SEC24D: variants seen among roughly 807,000 people sequenced by gnomAD.
The protein encoded by SEC24D is protein transport protein Sec24D.
SEC24D carries 69 observed loss-of-function variants against 116.9 expected under a neutral mutation model. That is an observed-to-expected ratio of 0.59 (90% CI 0.49 to 0.72). SEC24D has a LOEUF of 0.72. Among genes scored for constraint, SEC24D ranks in the 30% least tolerant of loss-of-function variants. The probability of loss-of-function intolerance (pLI) is 0.00; values close to 1 mark genes in which losing one functional copy is unlikely to be tolerated. For missense variants in SEC24D, 1,131 were observed against 1,264.1 expected, an observed-to-expected ratio of 0.89 and a Z score of 1.60; for synonymous variants, 405 against 442.8, an observed-to-expected ratio of 0.91 and a Z score of 1.07.
intron 8 of SEC24D, among the ~76,000 whole-genome samples, chr4:118,793,466 CAAAAAAAAAAA>C (rs70944815): frequency 1.3e-4 from 9 of 69,292 alleles, no homozygotes; most frequent in Admixed American, 7.1e-4. Flanking sequence ...GACTCCGTCT[CAAAAAAAAAAA>C]AAAAAAAAAA....
At chr4:118,778,868 T>G (rs1226704894) in intron 8 of SEC24D, among the ~76,000 whole-genome samples, 2 of 152,200 alleles carry the variant, frequency 1.3e-5, no homozygotes, top group African/African-American at 2.4e-5. Flanking sequence ...GTAGCAACTG[T>G]GAATGGGAGT....
At chr4:118,740,585 A>G in intron 17 of SEC24D, 78 bp downstream of exon 17, 1 of 1,457,090 alleles carries the variant, frequency 6.9e-7, no homozygotes, top group Non-Finnish European at 9.5e-7. Context: ...AACACATTTG[A>G]TGGTATTTCA....
intron 8 of SEC24D, among the ~76,000 whole-genome samples, chr4:118,790,666 C>A (rs1192880536): frequency 3.3e-5 from 5 of 151,832 alleles, no homozygotes; most frequent in Admixed American, 6.6e-5. Context: ...TAGCAAACAT[C>A]TCCAAAGCAA....
chr4:118,744,278 G>T, intron 14 of SEC24D, 120 bp from the exon 15 acceptor site: 1 of 1,041,060 alleles, frequency 9.6e-7, no homozygotes, highest in Non-Finnish European at 1.3e-6. Flanking sequence ...ACATTTTCCC[G>T]TTAAGTGAAC....
chr4:118,725,805 A>G (rs892290523), intron 22 of SEC24D, among the ~76,000 whole-genome samples: 4 of 152,152 alleles, frequency 2.6e-5, no homozygotes, highest in Admixed American at 1.3e-4. Context: ...TGACACAGAA[A>G]GTATAGTGGA....
intron 5 of SEC24D, 95 bp downstream of exon 5, chr4:118,815,356 T>G (rs1470599884): frequency 6.8e-7 from 1 of 1,469,830 alleles, no homozygotes; most frequent in Non-Finnish European, 9.3e-7. Flanking sequence ...TAAAAGTAAG[T>G]GACAGATACC....
chr4:118,732,293 C>A (rs1452752065), intron 20 of SEC24D, among the ~76,000 whole-genome samples: 2 of 152,020 alleles, frequency 1.3e-5, no homozygotes, highest in African/African-American at 2.4e-5. Context: ...CATACCACCA[C>A]GCCCGGCTAA....
intron 2 of SEC24D, among the ~76,000 whole-genome samples, chr4:118,832,387 G>T (rs1451740714): frequency 6.6e-6 from 1 of 152,210 alleles, no homozygotes; most frequent in Non-Finnish European, 1.5e-5. Flanking sequence ...CCTGGTGAGG[G>T]AAGTGAAAGT....
intron 7 of SEC24D, among the ~76,000 whole-genome samples, chr4:118,798,470 T>C (rs1378209887): frequency 6.6e-6 from 1 of 152,224 alleles, no homozygotes; most frequent in Non-Finnish European, 1.5e-5. Flanking sequence ...ATAAAGAATA[T>C]TTGTATCACT....
At chr4:118,827,771 T>C (rs1730645729) in intron 2 of SEC24D, among the ~76,000 whole-genome samples, 1 of 152,194 alleles carries the variant, frequency 6.6e-6, no homozygotes, top group South Asian at 2.1e-4. Context: ...TCTGGTTCTC[T>C]GCCTTTTTCT....
chr4:118,723,695 TAAAC>T, intron 22 of SEC24D, 40 bp from the exon 23 acceptor site: 1 of 1,580,650 alleles, frequency 6.3e-7, no homozygotes, highest in East Asian at 2.2e-5. Context: ...CCCCTGGTTA[TAAAC>T]ATTATTTGAA....
rs28600971 is a variant in SEC24D at position 118,791,573 on chromosome 4, G to A, written c.1041+6110C>T. On this transcript the variant is annotated intron_variant, in intron 8 of 22. Transcript: ENST00000280551. The stretch of plus-strand genomic sequence containing the variant: ...CCCTCCACGGTCTCCCTCTGATGCC[G>A]AGCCGAGACTGGACTGTACTGCCGC... Among the ~76,000 whole-genome samples, 32 of 152,048 alleles carry A rather than the reference G, an allele frequency of 2.1e-4. No homozygotes were observed. In the South Asian group the frequency reaches 6.0e-3, roughly 29 times the overall value.
chr4:118,788,472 T>C (rs1009620985), intron 8 of SEC24D, among the ~76,000 whole-genome samples: 4 of 152,262 alleles, frequency 2.6e-5, no homozygotes, highest in African/African-American at 9.6e-5. Flanking sequence ...CAGTTTTTAT[T>C]GGTTCCTAAA....
intron 7 of SEC24D, among the ~76,000 whole-genome samples, chr4:118,801,489 T>C (rs1193115853): frequency 1.3e-5 from 2 of 152,182 alleles, no homozygotes; most frequent in African/African-American, 2.4e-5. Flanking sequence ...AATATTAATA[T>C]ATGTAAGTAT....
intron 22 of SEC24D, among the ~76,000 whole-genome samples, chr4:118,727,754 C>T (rs1025449870): frequency 6.6e-6 from 1 of 152,092 alleles, no homozygotes. Flanking sequence ...GGTGTGAAAA[C>T]TGTTCTAGAA....
At chr4:118,776,036 A>G (rs1322040804) in intron 8 of SEC24D, among the ~76,000 whole-genome samples, 2 of 150,810 alleles carry the variant, frequency 1.3e-5, no homozygotes, top group African/African-American at 4.9e-5. Flanking sequence ...TACAGAGTAA[A>G]TTCTCAATAA....
chr4:118,755,464 CAA>C (rs34008479), intron 11 of SEC24D, among the ~76,000 whole-genome samples: 1,639 of 85,032 alleles, frequency 0.019, 31 homozygotes, highest in African/African-American at 0.06. Context: ...AACAAACAGA[CAA>C]AAAAAAAAAA....
intron 10 of SEC24D, among the ~76,000 whole-genome samples, chr4:118,759,283 T>C (rs1362943262): frequency 2.0e-5 from 3 of 152,206 alleles, no homozygotes; most frequent in Non-Finnish European, 2.9e-5. Context: ...GATTTGGCTG[T>C]TCCTTTTCCT....
At chr4:118,812,228 C>T (rs994236008) in intron 6 of SEC24D, among the ~76,000 whole-genome samples, 1 of 152,040 alleles carries the variant, frequency 6.6e-6, no homozygotes, top group Non-Finnish European at 1.5e-5. Context: ...AGTGGTGGCC[C>T]TCAGAAAGAT....
Sources: gnomAD v4.1 joint callset for allele counts (sites outside exome capture counted in the v4.1 genomes callset) on GRCh38, gnomAD v4.1.1 for gene constraint, MANE v1.5 for transcripts, NCBI Gene and HGNC (gene_info 2026-07-23, HGNC 2026-07-21) for gene names.